Variants in GMDS observed in about 807,000 individuals in gnomAD.
GMDS encodes GDP-mannose 4,6 dehydratase.
A neutral mutation model predicts 49.9 loss-of-function variants in GMDS; 20 were observed. That is an observed-to-expected ratio of 0.40 (90% CI 0.28 to 0.58). The LOEUF (loss-of-function observed/expected upper bound fraction) is 0.58, where lower values mean the gene tolerates loss of function less well. GMDS is among the 20% of genes least tolerant of loss of function. GMDS has a pLI of 0.42. For synonymous variants in GMDS, 177 were observed against 178.6 expected (o/e 0.99, Z 0.07); for missense variants, 362 against 481.4 (o/e 0.75, Z 2.32).
At chr6:2,160,036 A>G (rs865830952) in intron 1 of GMDS, among the ~76,000 whole-genome samples, 1 of 152,110 alleles carries the variant, frequency 6.6e-6, no homozygotes, top group Non-Finnish European at 1.5e-5. Context: ...TCTTGGGCTG[A>G]AAAAATCATT....
At chr6:2,112,496 C>T (rs1009455956) in intron 4 of GMDS, among the ~76,000 whole-genome samples, 4 of 152,096 alleles carry the variant, frequency 2.6e-5, no homozygotes, top group African/African-American at 7.2e-5. Context: ...CCTAAAAATG[C>T]AAGTTCGAAG....
chr6:1,748,796 G>A (rs1767613082), intron 7 of GMDS, among the ~76,000 whole-genome samples: 3 of 152,218 alleles, frequency 2.0e-5, no homozygotes, highest in Admixed American at 1.3e-4. Flanking sequence ...ACAAAAATAT[G>A]TTGCCTGTAA....
At chr6:1,913,388 C>CAAAAAAAAAAAAAAA (rs56262461) in intron 7 of GMDS, among the ~76,000 whole-genome samples, 3 of 103,976 alleles carry the variant, frequency 2.9e-5, no homozygotes, top group Non-Finnish European at 5.6e-5. Flanking sequence ...CTCAAACAAA[C>CAAAAAAAAAAAAAAA]AAAAAAAAAA....
At chr6:1,927,633 T>C (rs1448087128) in intron 7 of GMDS, among the ~76,000 whole-genome samples, 1 of 152,200 alleles carries the variant, frequency 6.6e-6, no homozygotes, top group African/African-American at 2.4e-5. Context: ...GCAGCAGCGC[T>C]AGCTTGGCAT....
chr6:1,930,178 A>G lies in GMDS; in HGVS notation c.696T>C (p.Leu232=), dbSNP rs745906364. Residue 232 remains leucine, a synonymous_variant, in exon 7 of 11, where the codon CTT becomes CTC. Coordinates refer to ENST00000380815, the MANE Select transcript of GMDS (RefSeq NM_001500.4). ...KISRSVAKIY[L]GQLECFSLGN... Reference sequence around the variant, plus strand: ...CCAAACTGAAACATTCCAGTTGTCCAAGGTAAATCTTAGCTACTGACCGGC... The same window carrying G: ...CCAAACTGAAACATTCCAGTTGTCCGAGGTAAATCTTAGCTACTGACCGGC... 15 of 1,612,812 alleles carry G rather than the reference A, an allele frequency of 9.3e-6. No individual in the cohort carries two copies. The highest frequency in any genetic ancestry group is 1.7e-4 in the Middle Eastern group (1 of 6,060).
chr6:1,644,290 C>T (rs1763423469), intron 9 of GMDS, among the ~76,000 whole-genome samples: 1 of 152,238 alleles, frequency 6.6e-6, no homozygotes, highest in African/African-American at 2.4e-5. Context: ...TGACTAGGGC[C>T]TGTCAGGTGG....
chr6:1,993,387 T>C (rs1561954538), intron 4 of GMDS, among the ~76,000 whole-genome samples: 1 of 152,222 alleles, frequency 6.6e-6, no homozygotes. Context: ...TAGAAGACCC[T>C]ACACTTCTGA....
chr6:1,854,177 G>A (rs1442301386), intron 7 of GMDS, among the ~76,000 whole-genome samples: 46 of 152,184 alleles, frequency 3.0e-4, no homozygotes, highest in Admixed American at 2.9e-3. Flanking sequence ...CTTAAAAGTC[G>A]TATTTTAATG....
intron 4 of GMDS, among the ~76,000 whole-genome samples, chr6:1,997,850 G>A (rs773143904): frequency 6.6e-6 from 1 of 152,104 alleles, no homozygotes; most frequent in Non-Finnish European, 1.5e-5. Context: ...GCTATGAAGG[G>A]TCAATGAACA....
chr6:2,136,364 A>C lies in GMDS; in HGVS notation c.103-11633T>G, dbSNP rs534485634. ...TCATAACGAAATTGAGTATCCAAAA[A>C]ATCATTTTCCTTTAATTTTCACAAG... is the stretch of plus-strand genomic sequence containing the variant. On this transcript the variant is annotated intron_variant, in intron 1 of 10. Transcript: ENST00000380815. Among the ~76,000 whole-genome samples the C allele has an allele frequency of 2.0e-5, 3 of 152,336 alleles. No individual in the cohort carries two copies. The South Asian group carries it at 6.2e-4, about 32-fold the overall frequency.
intron 7 of GMDS, among the ~76,000 whole-genome samples, chr6:1,813,631 T>C (rs1207003585): frequency 6.6e-6 from 1 of 152,178 alleles, no homozygotes; most frequent in Non-Finnish European, 1.5e-5. Flanking sequence ...GAGGTTTAAA[T>C]AAGAGCATCT....
At chr6:1,740,614 T>C (rs1740124246) in intron 8 of GMDS, among the ~76,000 whole-genome samples, 1 of 148,956 alleles carries the variant, frequency 6.7e-6, no homozygotes, top group Admixed American at 6.7e-5. Context: ...ATTTGAAAAG[T>C]ATAAAAAAAC....
intron 9 of GMDS, among the ~76,000 whole-genome samples, chr6:1,703,684 A>T (rs1765622128): frequency 6.6e-6 from 1 of 152,156 alleles, no homozygotes; most frequent in African/African-American, 2.4e-5. Context: ...TACTGTGGGG[A>T]CATCATTCAC....
Position 1,960,993 on chromosome 6 carries a change from T to C in GMDS, c.346-27A>G, listed in dbSNP as rs754500962. 1.2e-5 allele frequency: 17 copies of C among 1,441,588 alleles called. No homozygotes were observed. In the East Asian group the frequency reaches 3.9e-4, roughly 33 times the overall value. 89.3% of individuals were successfully genotyped at this position (1,441,588 alleles called of 1,614,324 possible). On this transcript the variant is annotated intron_variant, in intron 4 of 10. Transcript: ENST00000380815. ...TGGAAAAAGCAGGCGGAGACAGGGC[T>C]GCATTAATAGCTTCATAGCACAAAG...
intron 7 of GMDS, among the ~76,000 whole-genome samples, chr6:1,851,510 GTGCTATCTAATTGTT>G (rs1373654800): frequency 6.6e-6 from 1 of 152,020 alleles, no homozygotes; most frequent in Non-Finnish European, 1.5e-5. Context: ...TTTCTTTCCT[GTGCTATCTAATTGTT>G]TGAAAACACA....
At chr6:2,236,723 G>A (rs1389069953) in intron 1 of GMDS, among the ~76,000 whole-genome samples, 1 of 152,106 alleles carries the variant, frequency 6.6e-6, no homozygotes, top group Non-Finnish European at 1.5e-5. Context: ...AAGAAACATA[G>A]AAAAATCATG....
intron 5 of GMDS, 53 bp downstream of exon 5, chr6:1,960,721 C>G: frequency 8.3e-7 from 1 of 1,207,452 alleles, no homozygotes; most frequent in Non-Finnish European, 1.2e-6. Flanking sequence ...ACACACCCCC[C>G]ACACCCACAG....
At chr6:2,042,056 T>C (rs1769717150) in intron 4 of GMDS, among the ~76,000 whole-genome samples, 3 of 152,216 alleles carry the variant, frequency 2.0e-5, no homozygotes, top group Non-Finnish European at 4.4e-5. Context: ...AGTGAGACTT[T>C]GGGTCTGAAG....
At chr6:1,761,640 T>C (rs1306120441) in intron 7 of GMDS, among the ~76,000 whole-genome samples, 2 of 152,184 alleles carry the variant, frequency 1.3e-5, no homozygotes, top group African/African-American at 4.8e-5. Context: ...GAACACTAAT[T>C]TAATGTTGTA....
Sources: allele counts gnomAD v4.1 joint callset (sites outside exome capture counted in the v4.1 genomes callset), GRCh38; gene constraint gnomAD v4.1.1; transcripts MANE v1.5; gene names NCBI Gene and HGNC (gene_info 2026-07-23, HGNC 2026-07-21).